The following VPS13B variants were observed in gnomAD, a reference collection of about 807,000 sequenced individuals.
VPS13B encodes vacuolar protein sorting 13 homolog B, also known as intermembrane lipid transfer protein VPS13B.
A neutral mutation model predicts 426.4 loss-of-function variants in VPS13B; 285 were observed. That is an observed-to-expected ratio of 0.67 (90% confidence interval 0.61 to 0.74). VPS13B has a LOEUF of 0.74. VPS13B is among the 30% of genes least tolerant of loss of function. The pLI is 0.00. For missense variants in VPS13B, 4,537 were observed against 4,782.6 expected (o/e 0.95, Z 1.51); for synonymous variants, 1,676 against 1,676.4 (o/e 1.00, Z 0.01).
At chr8:99,131,964 T>G (rs1437200434) in intron 8 of VPS13B, among the ~76,000 whole-genome samples, 1 of 152,150 alleles carries the variant, frequency 6.6e-6, no homozygotes, top group African/African-American at 2.4e-5. Flanking sequence ...TGGTATGATT[T>G]TGGCTCACTG....
intron 44 of VPS13B, 114 bp downstream of exon 44, chr8:99,809,644 T>A (rs924737831): frequency 1.6e-6 from 2 of 1,249,600 alleles, no homozygotes; most frequent in African/African-American, 1.5e-5. Context: ...TTATATCTAC[T>A]ACTACCATGC....
At chr8:99,677,749 T>A (rs1183505967) in intron 35 of VPS13B, among the ~76,000 whole-genome samples, 1 of 152,204 alleles carries the variant, frequency 6.6e-6, no homozygotes, top group Non-Finnish European at 1.5e-5. Context: ...GATTTTTTTT[T>A]ATTTCTTCAT....
chr8:99,229,242 G>T lies in VPS13B; in HGVS notation c.2515+36185G>T, dbSNP rs562157568. On this transcript the variant is annotated intron_variant, in intron 17 of 61. Coordinates refer to ENST00000357162, the MANE Select transcript of VPS13B (RefSeq NM_152564.5). ...CCCAGCAGGGACCTCTGGAACAAAG[G>T]TTGTTGGAATATTCCTGCATTAGTG... 2.4e-4 allele frequency among the ~76,000 whole-genome samples: 37 copies of T among 152,300 alleles called. 1 individual carries two copies. The South Asian group carries it at 2.5e-3, about 10-fold the overall frequency.
intron 3 of VPS13B, among the ~76,000 whole-genome samples, chr8:99,064,129 A>G (rs1241952366): frequency 6.6e-6 from 1 of 152,266 alleles, no homozygotes; most frequent in Non-Finnish European, 1.5e-5. Flanking sequence ...CCAAAGGTAG[A>G]TAAAACCACA....
intron 35 of VPS13B, among the ~76,000 whole-genome samples, chr8:99,680,017 A>G (rs1198743685): frequency 6.6e-6 from 1 of 152,212 alleles, no homozygotes; most frequent in African/African-American, 2.4e-5. Flanking sequence ...GTCTGTACAT[A>G]GCCACCCGTG....
intron 33 of VPS13B, among the ~76,000 whole-genome samples, chr8:99,640,230 T>C (rs1829302020): frequency 1.3e-5 from 2 of 152,018 alleles, no homozygotes; most frequent in Non-Finnish European, 2.9e-5. Context: ...AACTTTAAAC[T>C]TTTTCGTACC....
At chr8:99,779,828 T>C (rs1811924930) in intron 42 of VPS13B, among the ~76,000 whole-genome samples, 1 of 152,208 alleles carries the variant, frequency 6.6e-6, no homozygotes, top group African/African-American at 2.4e-5. Flanking sequence ...TTTGTGTTGC[T>C]ATTTAAGCTG....
chr8:99,294,416 G>A (rs1378090211), intron 19 of VPS13B, among the ~76,000 whole-genome samples: 1 of 139,090 alleles, frequency 7.2e-6, no homozygotes, highest in East Asian at 2.1e-4. Flanking sequence ...GGGAGAGATA[G>A]CATTGGGAGA....
intron 19 of VPS13B, among the ~76,000 whole-genome samples, chr8:99,313,037 C>G (rs1821100359): frequency 6.6e-6 from 1 of 152,176 alleles, no homozygotes; most frequent in South Asian, 2.1e-4. Context: ...TTAAGGACTT[C>G]TCTGCATTGG....
intron 35 of VPS13B, among the ~76,000 whole-genome samples, chr8:99,665,530 C>T (rs1007417059): frequency 4.6e-5 from 7 of 152,020 alleles, no homozygotes; most frequent in African/African-American, 9.7e-5. Context: ...TTCAGCTTTC[C>T]ACATATGGCT....
At chr8:99,417,268 A>G (rs955103967) in intron 21 of VPS13B, among the ~76,000 whole-genome samples, 113 of 152,316 alleles carry the variant, frequency 7.4e-4, no homozygotes, top group African/African-American at 2.6e-3. Context: ...AAAGCCAAAG[A>G]GTGGGAAGGG....
chr8:99,083,770 C>T (rs1417482513), intron 3 of VPS13B, among the ~76,000 whole-genome samples: 8 of 130,364 alleles, frequency 6.1e-5, no homozygotes, highest in Non-Finnish European at 9.6e-5. Context: ...TATTGATTTG[C>T]GTATGTTGAA....
chr8:99,699,921 A>G lies in VPS13B; in HGVS notation c.6443A>G (p.Gln2148Arg). Residue 2148 changes from glutamine to arginine, a missense_variant, in exon 36 of 62, where the codon CAA becomes CGA. Transcript: ENST00000357162. ...GGAAGCCTTAGTGTCAAGGCAACAC[A>G]AAAAGTACCTGGTAAGTCACAGAAA... ...LNGSLSVKAT[Q>R]KVPGIILGSS... is the part of the protein sequence containing the mutation. 6.2e-7 allele frequency: 1 copy of G among 1,613,918 alleles called. No homozygotes were observed. The highest frequency in any genetic ancestry group is 8.5e-7 in the Non-Finnish European group (1 of 1,179,968).
At chr8:99,379,918 C>T (rs1414937297) in intron 19 of VPS13B, among the ~76,000 whole-genome samples, 1 of 151,974 alleles carries the variant, frequency 6.6e-6, no homozygotes, top group African/African-American at 2.4e-5. Context: ...GATCTTTTAA[C>T]CCTTGAGATT....
At chr8:99,564,814 T>C (rs1206961775) in intron 31 of VPS13B, among the ~76,000 whole-genome samples, 1 of 152,214 alleles carries the variant, frequency 6.6e-6, no homozygotes, top group Non-Finnish European at 1.5e-5. Flanking sequence ...AATAGAGCTA[T>C]GTGTAGAACC....
At position 99,496,568 on chromosome 8, in the gene VPS13B, G is replaced by A. The variant is rs527402257; in HGVS notation, c.3871-5119G>A. On this transcript the variant is annotated intron_variant, in intron 25 of 61. Transcript: ENST00000357162. ...TCGGAGGCTGAGGCAGGAGAATGGC[G>A]TGAACCCGGGAGGCGGAGCTTGCAG... 1.1e-4 allele frequency among the ~76,000 whole-genome samples: 17 copies of A among 152,046 alleles called. No homozygotes were observed. The South Asian group carries it at 2.1e-3, about 19-fold the overall frequency.
chr8:99,171,260 C>T (rs1785876814), intron 16 of VPS13B, among the ~76,000 whole-genome samples: 1 of 151,818 alleles, frequency 6.6e-6, no homozygotes. Flanking sequence ...TTTTTATTAG[C>T]ATACATGGTA....
chr8:99,102,940 T>A lies in VPS13B; in HGVS notation c.413-13T>A, dbSNP rs758073197. Reference sequence around the variant, plus strand: ...ATTTGTGGCTAATTAAATTCTTTTTTTCTATTTTATAGGTTATGTGCAGAG... The same window carrying A: ...ATTTGTGGCTAATTAAATTCTTTTTATCTATTTTATAGGTTATGTGCAGAG... On this transcript the variant is annotated splice_polypyrimidine_tract_variant and intron_variant, in intron 4 of 61. Coordinates refer to ENST00000357162, the MANE Select transcript of VPS13B (RefSeq NM_152564.5). 6.3e-7 allele frequency: 1 copy of A among 1,591,918 alleles called. No homozygotes were observed. The highest frequency in any genetic ancestry group is 1.1e-5 in the South Asian group (1 of 90,374).
In VPS13B at chr8:99,640,049, G is replaced by GAAA. The variant is rs1299280170; in HGVS notation, c.5221-1761_5221-1760insAAA. 1.1e-3 allele frequency among the ~76,000 whole-genome samples: 109 copies of GAAA among 99,628 alleles called. 1 individual carries two copies. The highest frequency in any genetic ancestry group is 4.4e-3 in the Middle Eastern group (1 of 228). The allele number at this position is 99,628 out of a possible 152,430, so 65.4% of individuals were successfully genotyped here. ...ATAAGAAGAAGAAGAAGAAGAAGAA[G>GAAA]AGAAAAGAAAAGAAAAGAAAAGAAA... On this transcript the variant is annotated intron_variant, in intron 33 of 61. Coordinates refer to ENST00000357162, the MANE Select transcript of VPS13B (RefSeq NM_152564.5).
Sources: gnomAD v4.1 joint callset for allele counts (sites outside exome capture counted in the v4.1 genomes callset) on GRCh38, gnomAD v4.1.1 for gene constraint, MANE v1.5 for transcripts, NCBI Gene and HGNC (gene_info 2026-07-23, HGNC 2026-07-21) for gene names.